Variants in CADPS2 observed in about 807,000 individuals in gnomAD.
The protein encoded by CADPS2 is calcium dependent secretion activator 2, also known as calcium-dependent secretion activator 2.
In CADPS2, 93 loss-of-function variants were observed where a neutral mutation model predicts 172.5. That is an observed-to-expected ratio of 0.54 (90% confidence interval 0.46 to 0.64). The LOEUF is 0.64. CADPS2 is among the 30% of genes least tolerant of loss of function. The pLI is 0.00. For synonymous variants in CADPS2, 546 were observed against 555.2 expected (o/e 0.98, Z 0.23); for missense variants, 1,420 against 1,565.9 (o/e 0.91, Z 1.57).
At chr7:122,552,923 G>A (rs1415628257) in intron 8 of CADPS2, among the ~76,000 whole-genome samples, 2 of 151,952 alleles carry the variant, frequency 1.3e-5, no homozygotes. Context: ...TAGAGCACTA[G>A]CACTCTCTCT....
chr7:122,702,053 T>C, intron 2 of CADPS2: 3 of 1,613,684 alleles, frequency 1.9e-6, no homozygotes, highest in East Asian at 2.2e-5. Flanking sequence ...AATAGCTTTC[T>C]TCACATCTGT....
chr7:122,703,727 A>C (rs2086537193), intron 2 of CADPS2, among the ~76,000 whole-genome samples: 1 of 152,080 alleles, frequency 6.6e-6, no homozygotes, highest in Non-Finnish European at 1.5e-5. Flanking sequence ...TATGGGGAAA[A>C]TGTATTGGAG....
chr7:122,768,721 G>C (rs1339125966), intron 1 of CADPS2, among the ~76,000 whole-genome samples: 1 of 152,108 alleles, frequency 6.6e-6, no homozygotes, highest in Non-Finnish European at 1.5e-5. Context: ...CAGCTCCTCT[G>C]GAAGCCATAT....
intron 1 of CADPS2, among the ~76,000 whole-genome samples, chr7:122,823,203 A>G (rs572063975): frequency 6.6e-6 from 1 of 152,244 alleles, no homozygotes. Context: ...AAAAAATTCA[A>G]TCTTTATCAT....
chr7:122,445,059 A>G (rs2051965969), intron 15 of CADPS2, among the ~76,000 whole-genome samples: 1 of 152,218 alleles, frequency 6.6e-6, no homozygotes, highest in Non-Finnish European at 1.5e-5. Flanking sequence ...TCAACAGACC[A>G]TATATGTGTG....
intron 2 of CADPS2, among the ~76,000 whole-genome samples, chr7:122,714,025 C>T (rs1337288509): frequency 6.6e-6 from 1 of 152,056 alleles, no homozygotes; most frequent in African/African-American, 2.4e-5. Context: ...CCATGTCAAA[C>T]TTCAAGAAGA....
chr7:122,328,878 T>A (rs1011706344), intron 28 of CADPS2, among the ~76,000 whole-genome samples: 1 of 152,092 alleles, frequency 6.6e-6, no homozygotes, highest in African/African-American at 2.4e-5. Context: ...GTTCAACAAA[T>A]CAACAGGAGC....
chr7:122,866,308 A>G (rs560315365), intron 1 of CADPS2, among the ~76,000 whole-genome samples: 6 of 152,300 alleles, frequency 3.9e-5, no homozygotes, highest in Admixed American at 6.5e-5. Context: ...AACCATTGCT[A>G]TAGTCTCCAA....
intron 19 of CADPS2, among the ~76,000 whole-genome samples, chr7:122,412,318 T>C (rs2047407704): frequency 6.6e-6 from 1 of 152,204 alleles, no homozygotes; most frequent in African/African-American, 2.4e-5. Context: ...TCAATTATTT[T>C]GCATAACCAC....
At chr7:122,705,969 A>AAT (rs796594559) in intron 2 of CADPS2, among the ~76,000 whole-genome samples, 2 of 3,682 alleles carry the variant, frequency 5.4e-4, no homozygotes, top group Non-Finnish European at 9.1e-4. Flanking sequence ...TATATAATAT[A>AAT]ATATAATATA....
At chr7:122,560,501 A>C (rs1489962653) in intron 7 of CADPS2, among the ~76,000 whole-genome samples, 1 of 152,208 alleles carries the variant, frequency 6.6e-6, no homozygotes, top group African/African-American at 2.4e-5. Flanking sequence ...CTCAATGATC[A>C]GGTTTCTCAT....
At chr7:122,389,685 G>C (rs1007125090) in intron 22 of CADPS2, among the ~76,000 whole-genome samples, 1 of 151,740 alleles carries the variant, frequency 6.6e-6, no homozygotes, top group African/African-American at 2.4e-5. Flanking sequence ...ACCATAAAAA[G>C]CATAAAAGCA....
chr7:122,601,418 T>C (rs2072759824), intron 6 of CADPS2, among the ~76,000 whole-genome samples: 1 of 152,026 alleles, frequency 6.6e-6, no homozygotes, highest in Non-Finnish European at 1.5e-5. Flanking sequence ...TTGCATTTTA[T>C]GTAATAAGGA....
At chr7:122,474,275 G>C in intron 13 of CADPS2, 106 bp downstream of exon 13, 1 of 1,220,472 alleles carries the variant, frequency 8.2e-7, no homozygotes, top group South Asian at 1.5e-5. Flanking sequence ...TAAAATGCTG[G>C]TTTATAACAA....
chr7:122,854,783 T>C (rs867643410), intron 1 of CADPS2, among the ~76,000 whole-genome samples: 2 of 152,208 alleles, frequency 1.3e-5, no homozygotes, highest in South Asian at 4.1e-4. Flanking sequence ...AAGGAAATGC[T>C]GAATCAACCC....
At chr7:122,387,285 A>T (rs963025080) in intron 23 of CADPS2, 112 bp from the exon 24 acceptor site, 4 of 1,103,318 alleles carry the variant, frequency 3.6e-6, no homozygotes, top group Non-Finnish European at 5.2e-6. Flanking sequence ...GCAAATAAGG[A>T]GTAAGCAGTG....
chr7:122,734,368 AAAAAAAAAAAAAAAAAAAG>A (rs1562890182), intron 2 of CADPS2, among the ~76,000 whole-genome samples: 1 of 90,190 alleles, frequency 1.1e-5, no homozygotes, highest in East Asian at 2.2e-4. Flanking sequence ...AAAAAAAAAA[AAAAAAAAAAAAAAAAAAAG>A]AAAAAAAAAA....
chr7:122,632,509 G>A (rs1401850410), intron 3 of CADPS2, among the ~76,000 whole-genome samples: 1 of 152,114 alleles, frequency 6.6e-6, no homozygotes, highest in Non-Finnish European at 1.5e-5. Flanking sequence ...TACATCTTTT[G>A]AGAAGTGTCT....
At chr7:122,572,629 C>A (rs1012576370) in intron 7 of CADPS2, among the ~76,000 whole-genome samples, 9 of 152,224 alleles carry the variant, frequency 5.9e-5, no homozygotes, top group Non-Finnish European at 1.0e-4. Context: ...CTGTGAAAGA[C>A]TCAATGGAAA....
Sources: allele counts gnomAD v4.1 joint callset (sites outside exome capture counted in the v4.1 genomes callset), GRCh38; gene constraint gnomAD v4.1.1; transcripts MANE v1.5; gene names NCBI Gene and HGNC (gene_info 2026-07-23, HGNC 2026-07-21).